TNR: variants seen among roughly 807,000 people sequenced by gnomAD.
TNR encodes the protein tenascin-R.
A neutral mutation model predicts 150.4 loss-of-function variants in TNR; 45 were observed. The ratio of observed to expected loss-of-function variants is 0.30; its 90% CI spans 0.24 to 0.38. TNR has a LOEUF of 0.38. Ranked by LOEUF, TNR falls within the 10% of genes least tolerant of loss-of-function variation. The pLI is 1.00. For synonymous variants in TNR, 687 were observed against 678.4 expected, an observed-to-expected ratio of 1.01 and a Z score of -0.20; for missense variants, 1,544 against 1,759.1, an observed-to-expected ratio of 0.88 and a Z score of 2.19.
chr1:175,650,851 A>AC (rs1664951662), intron 1 of TNR, among the ~76,000 whole-genome samples: 2 of 54,988 alleles, frequency 3.6e-5, no homozygotes, highest in East Asian at 4.5e-4. Flanking sequence ...CCTCATTACT[A>AC]CCCATCTCCC....
At chr1:175,707,988 A>T (rs1474470981) in intron 1 of TNR, among the ~76,000 whole-genome samples, 2 of 151,234 alleles carry the variant, frequency 1.3e-5, no homozygotes, top group Non-Finnish European at 2.9e-5. Context: ...TTTAATGACT[A>T]GGAACAGGTA....
chr1:175,368,049 TCC>T (rs1651921258), intron 9 of TNR, among the ~76,000 whole-genome samples: 2 of 152,224 alleles, frequency 1.3e-5, no homozygotes, highest in African/African-American at 4.8e-5. Context: ...TCTGAGAACC[TCC>T]TAGAATATCT....
chr1:175,465,344 C>T (rs1006896389), intron 2 of TNR, among the ~76,000 whole-genome samples: 4 of 152,152 alleles, frequency 2.6e-5, no homozygotes, highest in East Asian at 1.9e-4. Flanking sequence ...GTCTGGCTTA[C>T]GATAAGTGCT....
intron 1 of TNR, among the ~76,000 whole-genome samples, chr1:175,582,060 C>T (rs952540773): frequency 5.3e-5 from 8 of 152,144 alleles, no homozygotes; most frequent in Non-Finnish European, 1.2e-4. Flanking sequence ...GGAAAAGATT[C>T]TCTTTTTGGC....
chr1:175,681,842 T>C (rs1016388230), intron 1 of TNR, among the ~76,000 whole-genome samples: 3 of 152,114 alleles, frequency 2.0e-5, no homozygotes, highest in Non-Finnish European at 4.4e-5. Flanking sequence ...GCTAGTTCTG[T>C]TGGCGTCTCC....
intron 1 of TNR, among the ~76,000 whole-genome samples, chr1:175,678,102 G>A (rs577659575): frequency 6.6e-6 from 1 of 152,292 alleles, no homozygotes; most frequent in South Asian, 2.1e-4. Context: ...TTATATCATA[G>A]CAATTCTTTT....
chr1:175,638,279 G>C (rs2101878964), intron 1 of TNR, among the ~76,000 whole-genome samples: 1 of 152,294 alleles, frequency 6.6e-6, no homozygotes, highest in South Asian at 2.1e-4. Context: ...ATTACAAAAA[G>C]TTTCTTAGTC....
rs115018012 is a variant in TNR at position 175,582,220 on chromosome 1, T to C, written c.-164-53851A>G. Among the ~76,000 whole-genome samples the C allele has an allele frequency of 8.2e-3, 1,254 of 152,352 alleles. 11 individuals carry two copies. The highest frequency in any genetic ancestry group is 0.028 in the African/African-American group (1,166 of 41,588). On this transcript the variant is annotated intron_variant, in intron 1 of 22. Transcript: ENST00000367674. ...TGAAGCTAATTGCCCCAGGGCACCA[T>C]AGAACCTCTTGAGAACCAAGACTTA... is the stretch of plus-strand genomic sequence containing the variant.
At chr1:175,737,048 C>T (rs1021945303) in intron 1 of TNR, among the ~76,000 whole-genome samples, 1 of 152,018 alleles carries the variant, frequency 6.6e-6, no homozygotes, top group African/African-American at 2.4e-5. Context: ...AAAAGAAAAA[C>T]AAAAATAACA....
intron 1 of TNR, among the ~76,000 whole-genome samples, chr1:175,548,046 T>G (rs1170889228): frequency 3.3e-5 from 5 of 152,178 alleles, no homozygotes. Flanking sequence ...AGAGACCTGG[T>G]GGGGAGCTGT....
intron 2 of TNR, among the ~76,000 whole-genome samples, chr1:175,524,974 A>G (rs1659794458): frequency 1.3e-5 from 2 of 152,106 alleles, no homozygotes; most frequent in South Asian, 2.1e-4. Flanking sequence ...TTCCATAGTG[A>G]TATGGTTTGG....
At chr1:175,568,683 T>C (rs1661744072) in intron 1 of TNR, among the ~76,000 whole-genome samples, 1 of 152,166 alleles carries the variant, frequency 6.6e-6, no homozygotes, top group East Asian at 1.9e-4. Flanking sequence ...AGTCACTTCA[T>C]CTCTGTTCAC....
intron 10 of TNR, among the ~76,000 whole-genome samples, chr1:175,366,443 T>C (rs1220452885): frequency 6.6e-6 from 1 of 152,254 alleles, no homozygotes; most frequent in Non-Finnish European, 1.5e-5. Flanking sequence ...TCTCCCATCC[T>C]TTCTCAATGA....
At chr1:175,436,594 TAA>T (rs1302873958) in intron 2 of TNR, among the ~76,000 whole-genome samples, 1 of 152,114 alleles carries the variant, frequency 6.6e-6, no homozygotes, top group Non-Finnish European at 1.5e-5. Context: ...GCAAATTGGA[TAA>T]AGAGTCAAGA....
intron 2 of TNR, among the ~76,000 whole-genome samples, chr1:175,520,606 G>C (rs1033867495): frequency 6.6e-6 from 1 of 152,146 alleles, no homozygotes; most frequent in African/African-American, 2.4e-5. Flanking sequence ...AGTCAGGGCT[G>C]CTCCAGGCCA....
At chr1:175,612,388 T>G (rs1218247569) in intron 1 of TNR, among the ~76,000 whole-genome samples, 2 of 152,204 alleles carry the variant, frequency 1.3e-5, no homozygotes, top group Non-Finnish European at 2.9e-5. Context: ...TCTTTGCATA[T>G]CTGGTGAACT....
intron 6 of TNR, among the ~76,000 whole-genome samples, chr1:175,392,351 C>G (rs561731680): frequency 1.3e-5 from 2 of 152,104 alleles, no homozygotes; most frequent in Non-Finnish European, 2.9e-5. Flanking sequence ...TACAGTCATA[C>G]TCTTATAAAT....
chr1:175,493,078 C>T (rs1658330211), intron 2 of TNR, among the ~76,000 whole-genome samples: 1 of 152,006 alleles, frequency 6.6e-6, no homozygotes, highest in Admixed American at 6.6e-5. Context: ...TCTGCTGTAC[C>T]CGTCAGAAGG....
chr1:175,709,308 T>TACATACACAC (rs1666932089), intron 1 of TNR, among the ~76,000 whole-genome samples: 1 of 127,762 alleles, frequency 7.8e-6, no homozygotes, highest in Non-Finnish European at 1.7e-5. Flanking sequence ...CACACACACA[T>TACATACACAC]ACACACACAC....
Sources: allele counts gnomAD v4.1 joint callset (sites outside exome capture counted in the v4.1 genomes callset), GRCh38; gene constraint gnomAD v4.1.1; transcripts MANE v1.5; gene names NCBI Gene and HGNC (gene_info 2026-07-23, HGNC 2026-07-21).